Variants in FBXW7 observed in about 807,000 individuals in gnomAD.
The protein encoded by FBXW7 is F-box and WD repeat domain containing 7, also known as F-box/WD repeat-containing protein 7.
Under a neutral mutation model 86.3 loss-of-function variants are expected in FBXW7, and 11 were observed. The observed-to-expected ratio is 0.13, with a 90% CI of 0.08 to 0.21. The LOEUF is 0.21. Among genes scored for constraint, FBXW7 ranks in the 10% least tolerant of loss-of-function variants. FBXW7 has a pLI of 1.00. For synonymous variants in FBXW7, 313 were observed against 297.9 expected, an observed-to-expected ratio of 1.05 and a Z score of -0.52; for missense variants, 488 against 847.4, an observed-to-expected ratio of 0.58 and a Z score of 5.27.
intron 4 of FBXW7, among the ~76,000 whole-genome samples, chr4:152,361,068 A>G (rs1732891438): frequency 1.3e-5 from 2 of 152,002 alleles, no homozygotes; most frequent in South Asian, 4.1e-4. Flanking sequence ...TCACTAATTC[A>G]AAAATATTTA....
At chr4:152,523,604 T>C (rs563774716) in intron 2 of FBXW7, among the ~76,000 whole-genome samples, 1 of 152,320 alleles carries the variant, frequency 6.6e-6, no homozygotes, top group Non-Finnish European at 1.5e-5. Flanking sequence ...AAAACTATCA[T>C]TTAAGGCTGC....
chr4:152,458,166 C>G (rs533527600), intron 2 of FBXW7, among the ~76,000 whole-genome samples: 2 of 151,924 alleles, frequency 1.3e-5, no homozygotes, highest in Non-Finnish European at 1.5e-5. Context: ...ATTACAGGCA[C>G]GCACCACCAC....
intron 2 of FBXW7, among the ~76,000 whole-genome samples, chr4:152,526,743 T>C (rs1749548008): frequency 6.6e-6 from 1 of 152,212 alleles, no homozygotes; most frequent in South Asian, 2.1e-4. Flanking sequence ...CCACAGTCAC[T>C]ATCATAATCA....
intron 4 of FBXW7, among the ~76,000 whole-genome samples, chr4:152,359,418 T>C (rs189726404): frequency 2.0e-5 from 3 of 151,608 alleles, no homozygotes; most frequent in East Asian, 1.9e-4. Context: ...CTGGGCAATA[T>C]AGCAAGACCC....
At chr4:152,421,089 A>G (rs1738902683) in intron 2 of FBXW7, among the ~76,000 whole-genome samples, 1 of 152,160 alleles carries the variant, frequency 6.6e-6, no homozygotes, top group Non-Finnish European at 1.5e-5. Flanking sequence ...GACATTCTAG[A>G]TAACATGCTG....
chr4:152,470,208 G>C (rs999793767), intron 2 of FBXW7, among the ~76,000 whole-genome samples: 5 of 151,996 alleles, frequency 3.3e-5, no homozygotes, highest in Non-Finnish European at 5.9e-5. Context: ...AATATATAGA[G>C]ATGCTAATGA....
rs781683608 is a variant in FBXW7 at position 152,332,736 on chromosome 4, T to C, written c.862-17A>G. The C allele has an allele frequency of 3.0e-5, 45 of 1,496,540 alleles. No homozygotes were observed. Among genetic ancestry groups the C allele is most frequent in the East Asian group, 2.0e-4 (8 of 40,542 alleles). 92.7% of individuals were successfully genotyped at this position (1,496,540 alleles called of 1,614,324 possible). On this transcript the variant is annotated splice_polypyrimidine_tract_variant and intron_variant, in intron 7 of 13. Transcript: ENST00000281708. ...GAGTGCCAACTAAGAAAAAAATGCA[T>C]AGTATAATACCCATATTTAAATAAA...
At chr4:152,442,438 T>A (rs1262501743) in intron 2 of FBXW7, among the ~76,000 whole-genome samples, 1 of 152,250 alleles carries the variant, frequency 6.6e-6, no homozygotes, top group Non-Finnish European at 1.5e-5. Flanking sequence ...AAAAACTTTC[T>A]GTTCCAACAG....
intron 2 of FBXW7, among the ~76,000 whole-genome samples, chr4:152,481,839 T>TA (rs1337961291): frequency 1.3e-5 from 2 of 152,226 alleles, no homozygotes; most frequent in African/African-American, 4.8e-5. Context: ...TTGCTTCTTA[T>TA]AAAAAAGAGC....
chr4:152,533,977 ACTGT>A (rs1407755016), intron 2 of FBXW7, among the ~76,000 whole-genome samples: 3 of 152,210 alleles, frequency 2.0e-5, no homozygotes, highest in Non-Finnish European at 4.4e-5. Flanking sequence ...TCAGTATACT[ACTGT>A]CTATGTCTTC....
At chr4:152,495,626 A>G (rs1258265285) in intron 2 of FBXW7, among the ~76,000 whole-genome samples, 1 of 152,142 alleles carries the variant, frequency 6.6e-6, no homozygotes. Context: ...CCTTTGACTC[A>G]TATGTAGGGA....
intron 6 of FBXW7, among the ~76,000 whole-genome samples, chr4:152,341,753 C>T (rs1578928536): frequency 6.6e-6 from 1 of 152,150 alleles, no homozygotes. Flanking sequence ...AATTTAGCAG[C>T]AAGGGACATA....
At chr4:152,341,114 C>T (rs1241942174) in intron 6 of FBXW7, among the ~76,000 whole-genome samples, 4 of 152,200 alleles carry the variant, frequency 2.6e-5, no homozygotes, top group Non-Finnish European at 5.9e-5. Context: ...CTACCTTCGG[C>T]TCTTCGTTCT....
At chr4:152,479,724 G>C (rs1744716541) in intron 2 of FBXW7, among the ~76,000 whole-genome samples, 1 of 152,136 alleles carries the variant, frequency 6.6e-6, no homozygotes, top group South Asian at 2.1e-4. Flanking sequence ...AAGGAACATG[G>C]TATCAGGCTG....
chr4:152,517,051 G>A (rs1748560167), intron 2 of FBXW7, among the ~76,000 whole-genome samples: 1 of 152,134 alleles, frequency 6.6e-6, no homozygotes, highest in African/African-American at 2.4e-5. Flanking sequence ...TCGAACTCCT[G>A]AGCTCAAGCG....
intron 2 of FBXW7, among the ~76,000 whole-genome samples, chr4:152,499,551 G>A (rs959377436): frequency 1.3e-5 from 2 of 151,816 alleles, no homozygotes; most frequent in African/African-American, 4.8e-5. Flanking sequence ...ATGGAGGTAA[G>A]AACCAGAGAC....
intron 2 of FBXW7, among the ~76,000 whole-genome samples, chr4:152,444,436 G>A (rs1022811391): frequency 1.2e-4 from 18 of 152,138 alleles, no homozygotes; most frequent in Middle Eastern, 3.2e-3. Flanking sequence ...CTGCGAATCT[G>A]AGTATCTCCT....
At chr4:152,485,814 A>C (rs1292883748) in intron 2 of FBXW7, among the ~76,000 whole-genome samples, 4 of 152,222 alleles carry the variant, frequency 2.6e-5, no homozygotes, top group Admixed American at 2.0e-4. Context: ...CATGTCAAAG[A>C]AACAGAAACC....
intron 7 of FBXW7, among the ~76,000 whole-genome samples, chr4:152,336,826 G>A (rs1578910095): frequency 6.6e-6 from 1 of 151,910 alleles, no homozygotes; most frequent in Admixed American, 6.6e-5. Context: ...CGTATCCAAC[G>A]TGCAATTCTA....
Sources: gnomAD v4.1 joint callset for allele counts (sites outside exome capture counted in the v4.1 genomes callset) on GRCh38, gnomAD v4.1.1 for gene constraint, MANE v1.5 for transcripts, NCBI Gene and HGNC (gene_info 2026-07-23, HGNC 2026-07-21) for gene names.